ADAM28: variants seen among roughly 807,000 people sequenced by gnomAD.
ADAM28 encodes the protein disintegrin and metalloproteinase domain-containing protein 28.
Under a neutral mutation model 101.2 loss-of-function variants are expected in ADAM28, and 105 were observed. The observed-to-expected ratio is 1.04, with a 90% CI of 0.89 to 1.22. The LOEUF (loss-of-function observed/expected upper bound fraction) is 1.22. ADAM28 is among the 50% of genes most tolerant of loss of function. ADAM28 has a pLI of 0.00. For synonymous variants in ADAM28, 322 were observed against 310.6 expected (o/e 1.04, Z -0.39); for missense variants, 1,028 against 945.4 (o/e 1.09, Z -1.15).
chr8:24,333,473 A>G (rs1813632327), intron 13 of ADAM28, among the ~76,000 whole-genome samples: 1 of 152,180 alleles, frequency 6.6e-6, no homozygotes. Flanking sequence ...TTCACTGTAT[A>G]TATGCATATT....
chr8:24,353,696 G>C, intron 21 of ADAM28, 74 bp from the exon 22 acceptor site: 1 of 1,003,376 alleles, frequency 1.0e-6, no homozygotes. Flanking sequence ...ATTTCATTAA[G>C]GAAATAAATA....
At chr8:24,336,738 A>G (rs1287883051) in intron 14 of ADAM28, among the ~76,000 whole-genome samples, 1 of 151,800 alleles carries the variant, frequency 6.6e-6, no homozygotes, top group African/African-American at 2.4e-5. Context: ...GACAGGGAGG[A>G]GGTGGGGAGA....
At chr8:24,347,541 G>T (rs1221149480) in intron 18 of ADAM28, among the ~76,000 whole-genome samples, 1 of 152,040 alleles carries the variant, frequency 6.6e-6, no homozygotes, top group Non-Finnish European at 1.5e-5. Flanking sequence ...TGTTTATCAA[G>T]TTTATTAATT....
At chr8:24,332,508 A>G (rs761874329) in intron 12 of ADAM28, 152 bp from the exon 13 acceptor site, 4 of 384,294 alleles carry the variant, frequency 1.0e-5, no homozygotes, top group African/African-American at 4.2e-5. Flanking sequence ...CCAAAATTTC[A>G]GGTTTTCTAA....
At position 24,357,687 on chromosome 8, in the gene ADAM28, T is replaced by C. The variant is rs1816769674; in HGVS notation, c.*3283T>C. ...GGGGGATGGACACAGAGCCAAACCA[T>C]ATAATGTTTTAAATGCTCCAGATAG... On this transcript the variant is annotated 3_prime_UTR_variant, in exon 23 of 23. Transcript: ENST00000265769. 1 of 152,156 alleles carries C rather than the reference T, an allele frequency of 6.6e-6. No individual in the cohort carries two copies. Among genetic ancestry groups the C allele is most frequent in the African/African-American group, 2.4e-5 (1 of 41,452 alleles). The allele number at this position is 152,156 out of a possible 1,614,324, so 9.4% of individuals were successfully genotyped here.
intron 8 of ADAM28, 55 bp downstream of exon 8, chr8:24,321,344 G>T (rs1316459276): frequency 7.1e-7 from 1 of 1,403,166 alleles, no homozygotes. Flanking sequence ...AGATGTCACT[G>T]GGTTTTTCAA....
At chr8:24,348,247 T>C (rs1384708702) in intron 18 of ADAM28, among the ~76,000 whole-genome samples, 1 of 152,204 alleles carries the variant, frequency 6.6e-6, no homozygotes, top group East Asian at 1.9e-4. Context: ...TACTTTCTTT[T>C]GTAGAGCAGT....
At position 24,357,259 on chromosome 8, in the gene ADAM28, G is replaced by C. The variant is rs1816744406; in HGVS notation, c.*2855G>C. 6.6e-6 allele frequency: 1 copy of C among 152,172 alleles called. No homozygotes were observed. Among genetic ancestry groups the C allele is most frequent in the Non-Finnish European group, 1.5e-5 (1 of 68,028 alleles). The allele number at this position is 152,172 out of a possible 1,614,324, so 9.4% of individuals were successfully genotyped here. On this transcript the variant is annotated 3_prime_UTR_variant, in exon 23 of 23. Transcript: ENST00000265769. Reference sequence around the variant, plus strand: ...TGATAATTAATATGTGTTGTTTAAAGTTGTTATGGTTTGGAGATATTTGTT... The same window carrying C: ...TGATAATTAATATGTGTTGTTTAAACTTGTTATGGTTTGGAGATATTTGTT...
At chr8:24,341,463 G>C (rs1814752231) in intron 15 of ADAM28, 135 bp from the exon 16 acceptor site, 1 of 876,832 alleles carries the variant, frequency 1.1e-6, no homozygotes, top group Non-Finnish European at 1.8e-6. Context: ...TGAGAAATAA[G>C]GGAAAATGAG....
chr8:24,297,089 C>G (rs1012933658), intron 1 of ADAM28, among the ~76,000 whole-genome samples: 1 of 151,570 alleles, frequency 6.6e-6, no homozygotes, highest in Non-Finnish European at 1.5e-5. Flanking sequence ...TTGGAAGGAG[C>G]TGGAATTCCA....
At chr8:24,349,800 G>GACTA in intron 18 of ADAM28, 64 bp from the exon 19 acceptor site, 1 of 1,248,928 alleles carries the variant, frequency 8.0e-7, no homozygotes, top group Non-Finnish European at 1.2e-6. Context: ...AAGAAACAAG[G>GACTA]ACTAGTGTGT....
intron 12 of ADAM28, among the ~76,000 whole-genome samples, chr8:24,331,631 C>T (rs1813376822): frequency 6.6e-6 from 1 of 152,050 alleles, no homozygotes; most frequent in African/African-American, 2.4e-5. Context: ...CCTTACGTGA[C>T]TATGACTTAC....
Position 24,335,552 on chromosome 8 carries a change from A to G in ADAM28, c.1478A>G (p.Asn493Ser), listed in dbSNP as rs7001647. ...GNCPDDRFQVNGFPCHHGKGH... is the reference protein window; with the variant it reads ...GNCPDDRFQVSGFPCHHGKGH... ...TGTCCTGATGATAGATTCCAAGTCA[A>G]TGGCTTCCCTTGCCATCACGGGAAG... Residue 493 changes from asparagine (N) to serine (S), a missense_variant, in exon 14 of 23, where the codon AAT (asparagine) becomes AGT (serine). By Grantham distance (46) the Asn-to-Ser change is conservative (BLOSUM62 1). Transcript: ENST00000265769. 4,351 of 1,614,004 alleles carry G rather than the reference A, an allele frequency of 2.7e-3. 106 individuals carry two copies. In the African/African-American group the frequency reaches 0.051, roughly 19 times the overall value.
chr8:24,319,657 A>C (rs2129284518), intron 6 of ADAM28, among the ~76,000 whole-genome samples: 1 of 151,962 alleles, frequency 6.6e-6, no homozygotes, highest in East Asian at 1.9e-4. Context: ...CTTTTCAATG[A>C]GTCAATCCAC....
At chr8:24,308,778 G>C (rs1429755498) in intron 2 of ADAM28, 1 of 447,042 alleles carries the variant, frequency 2.2e-6, no homozygotes, top group African/African-American at 2.0e-5. Flanking sequence ...AGTATGGACT[G>C]TAAGAATTGA....
intron 11 of ADAM28, among the ~76,000 whole-genome samples, chr8:24,330,771 T>C (rs1244345861): frequency 6.6e-6 from 1 of 152,212 alleles, no homozygotes; most frequent in Non-Finnish European, 1.5e-5. Flanking sequence ...ACCTCATCTT[T>C]ATCTGTAGGA....
At chr8:24,331,691 T>C (rs1235405290) in intron 12 of ADAM28, among the ~76,000 whole-genome samples, 7 of 152,138 alleles carry the variant, frequency 4.6e-5, no homozygotes, top group African/African-American at 1.7e-4. Context: ...TACAAATAGC[T>C]TGCTGGTTCA....
intron 7 of ADAM28, among the ~76,000 whole-genome samples, 185 bp downstream of exon 7, chr8:24,320,492 C>T (rs1486268142): frequency 2.0e-5 from 3 of 151,868 alleles, no homozygotes; most frequent in South Asian, 2.1e-4. Context: ...CTTTTCAGAG[C>T]GATCAGGGCA....
At chr8:24,296,229 C>A (rs1319518676) in intron 1 of ADAM28, 1 of 152,088 alleles carries the variant, frequency 6.6e-6, no homozygotes, top group African/African-American at 2.4e-5. Flanking sequence ...TTCTTCCTTG[C>A]CTTTATAAGG....
Sources: allele counts gnomAD v4.1 joint callset (sites outside exome capture counted in the v4.1 genomes callset), GRCh38; gene constraint gnomAD v4.1.1; transcripts MANE v1.5; gene names NCBI Gene and HGNC (gene_info 2026-07-23, HGNC 2026-07-21).